Variants in RIC1 observed in about 807,000 individuals in gnomAD.
RIC1 encodes guanine nucleotide exchange factor subunit RIC1.
In RIC1, 88 loss-of-function variants were observed where a neutral mutation model predicts 169.0. The observed-to-expected ratio is 0.52, with a 90% CI of 0.44 to 0.62. RIC1 has a LOEUF of 0.62. Ranked by LOEUF, RIC1 falls within the 20% of genes least tolerant of loss-of-function variation. The pLI is 0.00. For synonymous variants in RIC1, 790 were observed against 601.5 expected, an observed-to-expected ratio of 1.31 and a Z score of -4.59; for missense variants, 1,877 against 1,725.5, an observed-to-expected ratio of 1.09 and a Z score of -1.56.
intron 2 of RIC1, among the ~76,000 whole-genome samples, chr9:5,665,408 G>A (rs187337955): frequency 1.4e-4 from 21 of 152,242 alleles, no homozygotes; most frequent in Admixed American, 1.1e-3. Context: ...AGTGAAGTTC[G>A]TTGTTACCCA....
intron 6 of RIC1, among the ~76,000 whole-genome samples, chr9:5,726,056 A>G (rs2130893964): frequency 6.6e-6 from 1 of 152,308 alleles, no homozygotes. Flanking sequence ...AGTTCTGTAG[A>G]TGTCTATTAG....
At chr9:5,705,884 G>A (rs890706231) in intron 3 of RIC1, among the ~76,000 whole-genome samples, 2 of 151,922 alleles carry the variant, frequency 1.3e-5, no homozygotes, top group African/African-American at 4.8e-5. Context: ...TGCTTTTTCT[G>A]CATGAATTGA....
intron 7 of RIC1, 21 bp downstream of exon 7, chr9:5,732,500 T>G: frequency 6.5e-7 from 1 of 1,534,624 alleles, no homozygotes; most frequent in South Asian, 1.2e-5. Context: ...TGTAGGCTTT[T>G]GCATTTTTAA....
intron 6 of RIC1, among the ~76,000 whole-genome samples, chr9:5,725,770 G>A (rs897280302): frequency 2.3e-4 from 35 of 152,032 alleles, no homozygotes; most frequent in African/African-American, 5.8e-4. Flanking sequence ...CTTTGTTCTC[G>A]TTGGTTTCAA....
At chr9:5,714,046 G>GC (rs781594846) in intron 4 of RIC1, 43 bp downstream of exon 4, 14 of 1,264,336 alleles carry the variant, frequency 1.1e-5, no homozygotes, top group East Asian at 2.4e-5. Flanking sequence ...GATGACAGTA[G>GC]ACAATGTAGT....
intron 6 of RIC1, among the ~76,000 whole-genome samples, chr9:5,726,243 T>G (rs1823973973): frequency 6.6e-6 from 1 of 152,236 alleles, no homozygotes; most frequent in South Asian, 2.1e-4. Context: ...GCTCCTGTAT[T>G]GGGTGCATAT....
At chr9:5,703,636 C>T (rs1453247945) in intron 3 of RIC1, among the ~76,000 whole-genome samples, 1 of 152,208 alleles carries the variant, frequency 6.6e-6, no homozygotes, top group Admixed American at 6.5e-5. Context: ...GAATCACACA[C>T]TATGTACCTT....
rs748786319 is a variant in RIC1 at position 5,765,554 on chromosome 9, A to G, written c.2982A>G (p.Pro994=). The change falls in exon 20 of 26, where the codon CCA becomes CCG. Residue 994 remains proline (P), a synonymous_variant. Coordinates refer to ENST00000414202, the MANE Select transcript of RIC1 (RefSeq NM_020829.4). ...GCTCTGGAGAATCTGAGACACCTCC[A>G]TCCACACCCACAGCTCAGGTTAGTT... ...AIGSGESETP[P]STPTAQEPSS... The G allele has an allele frequency of 1.3e-5, 21 of 1,613,972 alleles. No individual in the cohort carries two copies. In the South Asian group the frequency reaches 2.3e-4, roughly 18 times the overall value.
At chr9:5,758,722 C>CTTTTTTTTTTTTTTTTTTTTTTCCTTTTT (rs754931692) in intron 17 of RIC1, among the ~76,000 whole-genome samples, 4 of 98,424 alleles carry the variant, frequency 4.1e-5, no homozygotes, top group African/African-American at 1.6e-4. Context: ...GGTCTCCCTT[C>CTTTTTTTTTTTTTTTTTTTTTTCCTTTTT]TTTTTTTTTT....
At chr9:5,698,980 C>G (rs890282113) in intron 3 of RIC1, among the ~76,000 whole-genome samples, 4 of 152,158 alleles carry the variant, frequency 2.6e-5, no homozygotes, top group South Asian at 2.1e-4. Flanking sequence ...TGTTCAAAAG[C>G]AAGTCTCAGA....
At chr9:5,770,357 T>C (rs1827123927) in intron 23 of RIC1, 79 bp downstream of exon 23, 1 of 1,199,942 alleles carries the variant, frequency 8.3e-7, no homozygotes, top group African/African-American at 1.5e-5. Context: ...AGATAGACCT[T>C]CATTCTTTTT....
chr9:5,775,841 T>C lies in RIC1; in HGVS notation c.*1595T>C, dbSNP rs1243612744. ...CCCGAATGGGTGGAGTATGTGATTATTGGTACCTGGTCCTTCTGGTGCTAT... is the reference window on the plus strand; with the variant it reads ...CCCGAATGGGTGGAGTATGTGATTACTGGTACCTGGTCCTTCTGGTGCTAT... On this transcript the variant is annotated 3_prime_UTR_variant, in exon 26 of 26. Transcript: ENST00000414202. The C allele has an allele frequency of 6.6e-6, 1 of 152,218 alleles. No individual in the cohort carries two copies. The highest frequency in any genetic ancestry group is 1.9e-4 in the East Asian group (1 of 5,208). The allele number at this position is 152,218 out of a possible 1,614,324, so 9.4% of individuals were successfully genotyped here. A position where few individuals can be genotyped will look rare whatever the true frequency, so the allele number is the denominator to read the frequency against.
At chr9:5,766,440 AC>A (rs1826761219) in intron 21 of RIC1, among the ~76,000 whole-genome samples, 3 of 151,928 alleles carry the variant, frequency 2.0e-5, no homozygotes, top group Admixed American at 2.0e-4. Context: ...ATTTTGGTGC[AC>A]CCATCACCCA....
Position 5,733,679 on chromosome 9 carries a change from T to C in RIC1, c.812+1200T>C, listed in dbSNP as rs75879951. Among the ~76,000 whole-genome samples the C allele has an allele frequency of 6.7e-3, 1,023 of 152,230 alleles. 14 individuals are homozygous for C. The highest frequency in any genetic ancestry group is 0.023 in the African/African-American group (970 of 41,522). On this transcript the variant is annotated intron_variant, in intron 7 of 25. Transcript: ENST00000414202. The stretch of plus-strand genomic sequence containing the variant: ...CTTTTTCTCAATACATTGATCCTCA[T>C]TGAGCAGTTAAATGTAGAAATACGA...
intron 23 of RIC1, among the ~76,000 whole-genome samples, chr9:5,771,595 G>A (rs200572445): frequency 3.0e-4 from 30 of 99,218 alleles, no homozygotes; most frequent in African/African-American, 7.8e-4. Context: ...TTGAGGAATC[G>A]CCATGTTTCC....
At chr9:5,722,550 T>C (rs796710751) in intron 6 of RIC1, among the ~76,000 whole-genome samples, 3 of 152,278 alleles carry the variant, frequency 2.0e-5, no homozygotes, top group African/African-American at 7.2e-5. Flanking sequence ...AGAGATCCCT[T>C]TCTAAATCTA....
Position 5,642,461 on chromosome 9 carries a change from T to G in RIC1, c.144+13008T>G, listed in dbSNP as rs538182879. ...CAGCAGGTGGTGAAGCCAGCCAGGT[T>G]TATGTCCTTCCCTTCAGAGTGTCTC... On this transcript the variant is annotated intron_variant, in intron 1 of 25. Coordinates refer to ENST00000414202, the MANE Select transcript of RIC1 (RefSeq NM_020829.4). Among the ~76,000 whole-genome samples, 8 of 145,124 alleles carry G rather than the reference T, an allele frequency of 5.5e-5. 1 individual carries two copies. Among genetic ancestry groups the G allele is most frequent in the African/African-American group, 2.0e-4 (7 of 35,668 alleles).
chr9:5,751,209 G>C (rs538890378), intron 12 of RIC1, among the ~76,000 whole-genome samples: 1 of 151,744 alleles, frequency 6.6e-6, no homozygotes, highest in Non-Finnish European at 1.5e-5. Flanking sequence ...ATGGATGATT[G>C]ACACAGTTAT....
At position 5,772,137 on chromosome 9, in the gene RIC1, C is replaced by T. The variant is rs541150152; in HGVS notation, c.3617-427C>T. On this transcript the variant is annotated intron_variant, in intron 23 of 25. Coordinates refer to ENST00000414202, the MANE Select transcript of RIC1 (RefSeq NM_020829.4). ...TAATTCTCTTTTTAAGTGGATGTTCCCCCACCCTCTCCTTTTCCCTTCCTT... is the reference window on the plus strand; with the variant it reads ...TAATTCTCTTTTTAAGTGGATGTTCTCCCACCCTCTCCTTTTCCCTTCCTT... Among the ~76,000 whole-genome samples the T allele has an allele frequency of 3.9e-5, 6 of 152,144 alleles. No homozygotes were observed. In the East Asian group the frequency reaches 1.2e-3, roughly 29 times the overall value.
Sources: allele counts gnomAD v4.1 joint callset (sites outside exome capture counted in the v4.1 genomes callset), GRCh38; gene constraint gnomAD v4.1.1; transcripts MANE v1.5; gene names NCBI Gene and HGNC (gene_info 2026-07-23, HGNC 2026-07-21).